DGKI: variants seen among roughly 807,000 people sequenced by gnomAD.
DGKI encodes DAG kinase iota.
Under a neutral mutation model 147.5 loss-of-function variants are expected in DGKI, and 55 were observed. That is an observed-to-expected ratio of 0.37 (90% CI 0.30 to 0.47). The LOEUF is 0.47. Ranked by LOEUF, DGKI falls within the 20% of genes least tolerant of loss-of-function variation. The pLI, the probability that DGKI is intolerant of heterozygous loss-of-function variation, is 1.00. For synonymous variants in DGKI, 469 were observed against 477.1 expected (o/e 0.98, Z 0.22); for missense variants, 1,007 against 1,323.8 (o/e 0.76, Z 3.71).
intron 21 of DGKI, among the ~76,000 whole-genome samples, chr7:137,504,720 C>G (rs1181270735): frequency 6.6e-6 from 1 of 152,022 alleles, no homozygotes; most frequent in Non-Finnish European, 1.5e-5. Context: ...TCAACCTATG[C>G]ATAGTATTAA....
intron 20 of DGKI, among the ~76,000 whole-genome samples, chr7:137,522,364 CA>C (rs1294470615): frequency 6.6e-6 from 1 of 151,966 alleles, no homozygotes; most frequent in Non-Finnish European, 1.5e-5. Context: ...AAGACATGGT[CA>C]GGGGCAGCCT....
chr7:137,663,928 C>T (rs562517473), intron 3 of DGKI, among the ~76,000 whole-genome samples: 31 of 152,248 alleles, frequency 2.0e-4, no homozygotes, highest in African/African-American at 7.0e-4. Flanking sequence ...AACCCTCAAT[C>T]AGCCCCGGTC....
Position 137,747,811 on chromosome 7 carries a change from C to G in DGKI, c.402-57809G>C, listed in dbSNP as rs538951718. On this transcript the variant is annotated intron_variant, in intron 1 of 32. Coordinates refer to ENST00000614521, the MANE Select transcript of DGKI (RefSeq NM_001321708.2). ...GGCAGCACAACAAAGAGTAGGCAACCTAAACCCCTACTGCCACTCACTATC... is the reference window on the plus strand; with the variant it reads ...GGCAGCACAACAAAGAGTAGGCAACGTAAACCCCTACTGCCACTCACTATC... Among the ~76,000 whole-genome samples the G allele has an allele frequency of 2.6e-5, 4 of 152,260 alleles. No homozygotes were observed. The South Asian group carries it at 6.2e-4, about 24-fold the overall frequency.
intron 1 of DGKI, among the ~76,000 whole-genome samples, chr7:137,743,898 G>A (rs1795249066): frequency 6.6e-6 from 1 of 151,388 alleles, no homozygotes; most frequent in Admixed American, 6.6e-5. Context: ...CAGGAGAATG[G>A]TGTGAACTCG....
chr7:137,845,901 G>C (rs1798700768), intron 1 of DGKI, among the ~76,000 whole-genome samples: 1 of 152,056 alleles, frequency 6.6e-6, no homozygotes, highest in African/African-American at 2.4e-5. Flanking sequence ...TTCCTTCATG[G>C]GGGATTTCGA....
intron 1 of DGKI, among the ~76,000 whole-genome samples, chr7:137,782,150 CTG>C (rs1446296303): frequency 6.6e-6 from 1 of 152,174 alleles, no homozygotes; most frequent in Non-Finnish European, 1.5e-5. Flanking sequence ...CACCAAAAAA[CTG>C]TGAGTCTGCT....
intron 1 of DGKI, among the ~76,000 whole-genome samples, chr7:137,833,930 T>C (rs1798292732): frequency 6.6e-6 from 1 of 152,172 alleles, no homozygotes; most frequent in African/African-American, 2.4e-5. Context: ...CACAGAATAA[T>C]GCTTAAGTGC....
intron 19 of DGKI, among the ~76,000 whole-genome samples, chr7:137,557,019 T>C (rs1818246757): frequency 6.8e-6 from 1 of 147,146 alleles, no homozygotes; most frequent in South Asian, 2.1e-4. Context: ...CAGGAAGAAT[T>C]TGACCTCAGC....
intron 6 of DGKI, among the ~76,000 whole-genome samples, chr7:137,634,118 T>C (rs895248297): frequency 6.6e-6 from 1 of 152,234 alleles, no homozygotes; most frequent in Admixed American, 6.5e-5. Context: ...TTGCATTTCA[T>C]AATTTAAACC....
intron 1 of DGKI, among the ~76,000 whole-genome samples, chr7:137,764,970 A>G (rs1795967916): frequency 6.6e-6 from 1 of 152,182 alleles, no homozygotes; most frequent in Admixed American, 6.5e-5. Flanking sequence ...AAAGTTTCAC[A>G]GCTAATAAGG....
intron 28 of DGKI, among the ~76,000 whole-genome samples, chr7:137,431,944 T>C (rs1813091023): frequency 6.6e-6 from 1 of 152,188 alleles, no homozygotes; most frequent in Non-Finnish European, 1.5e-5. Flanking sequence ...TCCCCAGTGA[T>C]GGAGGAGGGG....
chr7:137,765,156 G>A (rs779746605), intron 1 of DGKI, among the ~76,000 whole-genome samples: 1 of 152,158 alleles, frequency 6.6e-6, no homozygotes, highest in African/African-American at 2.4e-5. Context: ...ATACATTAAC[G>A]TTCCATTAAT....
chr7:137,467,187 C>A (rs35381443), intron 24 of DGKI, among the ~76,000 whole-genome samples: 11,353 of 152,256 alleles, frequency 0.075, 553 homozygotes, highest in African/African-American at 0.13. Flanking sequence ...AAAGAACCAG[C>A]TCAAGTGCTT....
At chr7:137,542,794 T>C (rs1036361299) in intron 20 of DGKI, among the ~76,000 whole-genome samples, 1 of 152,192 alleles carries the variant, frequency 6.6e-6, no homozygotes, top group African/African-American at 2.4e-5. Context: ...ATAATAAACA[T>C]TCAATACAAA....
intron 1 of DGKI, among the ~76,000 whole-genome samples, chr7:137,724,752 C>A (rs1320254560): frequency 6.6e-6 from 1 of 152,138 alleles, no homozygotes; most frequent in African/African-American, 2.4e-5. Flanking sequence ...GACTTCTAAG[C>A]AGAGATGTCA....
chr7:137,391,543 T>C (rs1057475868), intron 32 of DGKI, among the ~76,000 whole-genome samples: 2 of 152,184 alleles, frequency 1.3e-5, no homozygotes, highest in African/African-American at 4.8e-5. Flanking sequence ...GAGCATTAAA[T>C]TGAACATGTG....
rs920938797 is a variant in DGKI, at chr7:137,502,114, C to A, written c.2249-14425G>T. Among the ~76,000 whole-genome samples, 4 of 152,178 alleles carry A rather than the reference C, an allele frequency of 2.6e-5. No homozygotes were observed. In the South Asian group the frequency reaches 6.2e-4, roughly 24 times the overall value. ...GTGGAACTGTTGGTTCTCCATTAAA[C>A]CTCTTTCCTTTGTAAATTCCCCAGT... On this transcript the variant is annotated intron_variant, in intron 21 of 32. Transcript: ENST00000614521.
rs752477827 is a variant in DGKI, at chr7:137,846,596, C to A, written c.267G>T (p.Pro89=). The change falls in exon 1 of 33, where the codon CCG becomes CCT. Residue 89 remains proline (P), a synonymous_variant. Transcript: ENST00000614521. This position sits in a 1 kb window ranked among gnomAD's most constrained non-coding sequence, Gnocchi z 4.0. ...CCLGAEGGAD[P]RGAGSAAAAG... Reference sequence around the variant, plus strand: ...CCGCCGCGGCTGACCCTGCGCCCCGCGGGTCCGCGCCGCCCTCGGCGCCCA... The same window carrying A: ...CCGCCGCGGCTGACCCTGCGCCCCGAGGGTCCGCGCCGCCCTCGGCGCCCA... The A allele has an allele frequency of 8.8e-7, 1 of 1,135,078 alleles. No individual in the cohort carries two copies. The highest frequency in any genetic ancestry group is 4.0e-5 in the South Asian group (1 of 25,168). 70.3% of individuals were successfully genotyped at this position (1,135,078 alleles called of 1,614,324 possible). A position where few individuals can be genotyped will look rare whatever the true frequency, so the allele number is the denominator to read the frequency against.
chr7:137,458,514 A>G (rs1408182533), intron 27 of DGKI, among the ~76,000 whole-genome samples: 2 of 152,188 alleles, frequency 1.3e-5, no homozygotes, highest in Non-Finnish European at 2.9e-5. Flanking sequence ...TACAAAATCT[A>G]AGAACCGGAA....
Sources: allele counts gnomAD v4.1 joint callset (sites outside exome capture counted in the v4.1 genomes callset), GRCh38; gene constraint gnomAD v4.1.1; non-coding constraint Gnocchi (gnomAD v3.1); transcripts MANE v1.5; gene names NCBI Gene and HGNC (gene_info 2026-07-23, HGNC 2026-07-21).